NAA16: variants seen among roughly 807,000 people sequenced by gnomAD.
NAA16 encodes the protein N-alpha-acetyltransferase 16, NatA auxiliary subunit.
Under a neutral mutation model 110.3 loss-of-function variants are expected in NAA16, and 97 were observed. The ratio of observed to expected loss-of-function variants is 0.88; its 90% CI spans 0.75 to 1.04. The LOEUF (loss-of-function observed/expected upper bound fraction) is 1.04. Among genes scored for constraint, NAA16 ranks in the 50% least tolerant of loss-of-function variants. NAA16 has a pLI of 0.00. For synonymous variants in NAA16, 372 were observed against 330.6 expected (o/e 1.13, Z -1.36); for missense variants, 1,017 against 1,005.1 (o/e 1.01, Z -0.16).
intron 13 of NAA16, among the ~76,000 whole-genome samples, chr13:41,366,597 A>G (rs982353991): frequency 6.6e-6 from 1 of 152,158 alleles, no homozygotes; most frequent in African/African-American, 2.4e-5. Flanking sequence ...TCTTTTGGCC[A>G]TGGATCCATT....
chr13:41,328,104 C>T (rs187410606), intron 6 of NAA16: 4 of 152,000 alleles, frequency 2.6e-5, no homozygotes, highest in Admixed American at 2.0e-4. Flanking sequence ...GTGTTTCCAT[C>T]GTATTTGAGA....
At chr13:41,313,016 A>G (rs1346812217) in intron 1 of NAA16, among the ~76,000 whole-genome samples, 2 of 152,036 alleles carry the variant, frequency 1.3e-5, no homozygotes, top group Admixed American at 6.6e-5. Flanking sequence ...CTGAAACATT[A>G]ATGATAATAT....
intron 9 of NAA16, among the ~76,000 whole-genome samples, chr13:41,343,599 C>T (rs1194352315): frequency 6.6e-6 from 1 of 152,092 alleles, no homozygotes; most frequent in African/African-American, 2.4e-5. Context: ...GGCACCATCT[C>T]GGCTCACTGC....
At chr13:41,344,716 A>G (rs182165793) in intron 9 of NAA16, among the ~76,000 whole-genome samples, 5 of 152,278 alleles carry the variant, frequency 3.3e-5, no homozygotes, top group East Asian at 1.9e-4. Context: ...TTCCCCACCT[A>G]TTTTTGTTTT....
In NAA16 at chr13:41,331,320, G is replaced by A. The variant is rs1221124326; in HGVS notation, c.858G>A (p.Gln286=). ...RLQIYEEISK[Q]HPKAITPRRL... is the part of the protein sequence containing the mutation. ...AAATTTATGAAGAAATTAGTAAGCA[G>A]CACCCCAAAGCAATTACACCCAGAA... The change falls in exon 8 of 20, where the codon CAG becomes CAA. Residue 286 remains glutamine, a synonymous_variant. Coordinates refer to ENST00000379406, the MANE Select transcript of NAA16 (RefSeq NM_024561.5). The A allele has an allele frequency of 2.5e-6, 4 of 1,609,670 alleles. No individual in the cohort carries two copies. The highest frequency in any genetic ancestry group is 3.3e-5 in the Admixed American group (2 of 59,934).
chr13:41,362,640 T>A, intron 13 of NAA16: 1 of 1,146,750 alleles, frequency 8.7e-7, no homozygotes, highest in Non-Finnish European at 1.2e-6. Flanking sequence ...TTGCTTGCTT[T>A]TAGGATTATT....
chr13:41,348,181 T>TG (rs2139461566), intron 9 of NAA16, among the ~76,000 whole-genome samples: 1 of 152,338 alleles, frequency 6.6e-6, no homozygotes, highest in Admixed American at 6.5e-5. Context: ...TTTATTTTTT[T>TG]TTTCAAGATG....
chr13:41,314,049 G>C (rs911799238), intron 1 of NAA16, among the ~76,000 whole-genome samples: 1 of 152,036 alleles, frequency 6.6e-6, no homozygotes, highest in Admixed American at 6.6e-5. Context: ...AGACTACCTG[G>C]TTAAGAGTTG....
chr13:41,348,878 T>A (rs1374608004), intron 9 of NAA16, among the ~76,000 whole-genome samples: 1 of 152,222 alleles, frequency 6.6e-6, no homozygotes, highest in Non-Finnish European at 1.5e-5. Context: ...TTTTGGAAAT[T>A]CATGGTTTTA....
At position 41,362,018 on chromosome 13, in the gene NAA16, G is replaced by C. The variant is rs1157619104; in HGVS notation, c.1411-13G>C. The C allele has an allele frequency of 6.2e-7, 1 of 1,609,300 alleles. No individual in the cohort carries two copies. The highest frequency in any genetic ancestry group is 1.1e-5 in the South Asian group (1 of 90,156). On this transcript the variant is annotated splice_polypyrimidine_tract_variant and intron_variant, in intron 12 of 19. Coordinates refer to ENST00000379406, the MANE Select transcript of NAA16 (RefSeq NM_024561.5). ...TTGTTTGCTCTCTATAGTTTTGAAT[G>C]CTTCCATTTCAGGAAGGAACATCTG...
chr13:41,374,911 C>G, intron 19 of NAA16, 72 bp downstream of exon 19: 2 of 856,552 alleles, frequency 2.3e-6, no homozygotes, highest in Non-Finnish European at 1.9e-6. Flanking sequence ...CAGCATAATT[C>G]TTGAGTAGGC....
At chr13:41,325,935 C>T in intron 6 of NAA16, 84 bp downstream of exon 6, 1 of 1,125,440 alleles carries the variant, frequency 8.9e-7, no homozygotes, top group Non-Finnish European at 1.2e-6. Flanking sequence ...TCTTACGTAA[C>T]AGTTGTTATG....
rs753630507 is a variant in NAA16, at chr13:41,375,477, A to G, written c.2470A>G (p.Arg824Gly). The change falls in exon 20 of 20, where the codon AGG (arginine) becomes GGG (glycine). Residue 824 changes from arginine to glycine, a missense_variant. By Grantham distance (125) the Arg-to-Gly change is moderately radical. Coordinates refer to ENST00000379406, the MANE Select transcript of NAA16 (RefSeq NM_024561.5). ...GNCSSQYEEY[R>G]MACHNLLPFT... ...CTGTAGTTCCCAATATGAAGAATAT[A>G]GGATGGCCTGTCATAACCTGCTTCC... 9 of 1,613,930 alleles carry G rather than the reference A, an allele frequency of 5.6e-6. No homozygotes were observed. The South Asian group carries it at 9.9e-5, about 18-fold the overall frequency.
In NAA16 at chr13:41,314,558, A is replaced by G. The variant is rs75157382; in HGVS notation, c.55-2288A>G. Among the ~76,000 whole-genome samples, 960 of 152,266 alleles carry G rather than the reference A, an allele frequency of 6.3e-3. 12 individuals are homozygous for G. Among genetic ancestry groups the G allele is most frequent in the African/African-American group, 0.022 (917 of 41,546 alleles). On this transcript the variant is annotated intron_variant, in intron 1 of 19. Transcript: ENST00000379406. ...ACTTTTTTTCCATGAAGACTTTTCT[A>G]ATTCCTTCCACATCCAGCCCCTGCT...
intron 13 of NAA16, among the ~76,000 whole-genome samples, chr13:41,363,660 A>C (rs188780250): frequency 6.6e-6 from 1 of 152,310 alleles, no homozygotes; most frequent in Admixed American, 6.5e-5. Context: ...GACATAGTTC[A>C]AGAAATTAAT....
chr13:41,318,813 G>A lies in NAA16; in HGVS notation c.147G>A (p.Leu49=). 1 of 1,542,368 alleles carries A rather than the reference G, an allele frequency of 6.5e-7. No homozygotes were observed. The highest frequency in any genetic ancestry group is 8.7e-7 in the Non-Finnish European group (1 of 1,145,516). The change falls in exon 3 of 20, where the codon TTG becomes TTA. Residue 49 remains leucine, a synonymous_variant. Transcript: ENST00000379406. The part of the protein sequence containing the change: ...NPKFAEHGET[L]AMKGLTLNCL... ...TTAAAAATTATTTTTCAGAGACTTT[G>A]GCTATGAAAGGATTAACACTGAACT...
intron 10 of NAA16, among the ~76,000 whole-genome samples, chr13:41,357,354 C>T (rs2043012566): frequency 8.7e-6 from 1 of 115,310 alleles, no homozygotes. Context: ...AGATCATTGC[C>T]TAGATCCCTT....
At chr13:41,325,535 A>G (rs2042070564) in intron 5 of NAA16, among the ~76,000 whole-genome samples, 163 bp from the exon 6 acceptor site, 1 of 152,116 alleles carries the variant, frequency 6.6e-6, no homozygotes, top group Admixed American at 6.5e-5. Context: ...GTTTTAAATA[A>G]TGCATTCATT....
rs745854422 is a variant in NAA16, at chr13:41,372,282, T to TG, written c.2028dup (p.Leu677ValfsTer4). Reference sequence around the variant, plus strand: ...GTTGCTGATAACATTGACACTCATCTGTTAGCATTTGAAATATATTTTAGA... The same window carrying TG: ...GTTGCTGATAACATTGACACTCATCTGGTTAGCATTTGAAATATATTTTAGA... On this transcript the variant is annotated frameshift_variant, in exon 16 of 20. Coordinates refer to ENST00000379406, the MANE Select transcript of NAA16 (RefSeq NM_024561.5). LOFTEE classifies it high-confidence loss of function. 6.3e-7 allele frequency: 1 copy of TG among 1,597,508 alleles called. No individual in the cohort carries two copies. Among genetic ancestry groups the TG allele is most frequent in the Admixed American group, 1.8e-5 (1 of 56,698 alleles).
Sources: allele counts gnomAD v4.1 joint callset (sites outside exome capture counted in the v4.1 genomes callset), GRCh38; gene constraint gnomAD v4.1.1; transcripts MANE v1.5; gene names NCBI Gene and HGNC (gene_info 2026-07-23, HGNC 2026-07-21).